Variants in DDB1 observed in about 807,000 individuals in gnomAD.
The protein encoded by DDB1 is DNA damage-binding protein 1.
DDB1 carries 18 observed loss-of-function variants against 133.1 expected under a neutral mutation model. That is an observed-to-expected ratio of 0.14 (90% CI 0.09 to 0.20). The LOEUF is 0.20. Ranked by LOEUF, DDB1 falls within the 10% of genes least tolerant of loss-of-function variation. The probability of loss-of-function intolerance (pLI) is 1.00; values close to 1 mark genes in which losing one functional copy is unlikely to be tolerated. For synonymous variants in DDB1, 580 were observed against 550.5 expected (o/e 1.05, Z -0.75); for missense variants, 828 against 1,459.2 (o/e 0.57, Z 7.05).
At chr11:61,305,176 T>C (rs1353366047) in intron 21 of DDB1, among the ~76,000 whole-genome samples, 1 of 152,144 alleles carries the variant, frequency 6.6e-6, no homozygotes, top group East Asian at 1.9e-4. Context: ...CAAAGAACCC[T>C]AGCTACACAG....
At chr11:61,300,964 TCAGGA>T (rs759375400) in intron 25 of DDB1, 32 bp from the exon 26 acceptor site, 1 of 1,613,094 alleles carries the variant, frequency 6.2e-7, no homozygotes, top group South Asian at 1.1e-5. Flanking sequence ...CACGTGCTTA[TCAGGA>T]AACACCCTCC....
intron 18 of DDB1, chr11:61,311,368 A>T (rs1197602584): frequency 5.8e-6 from 1 of 172,590 alleles, no homozygotes; most frequent in Non-Finnish European, 1.2e-5. Context: ...ACATAACATA[A>T]AACATAACAT....
chr11:61,310,262 T>C (rs746341823), intron 19 of DDB1, 33 bp downstream of exon 19: 4 of 1,592,380 alleles, frequency 2.5e-6, no homozygotes, highest in African/African-American at 1.3e-5. Context: ...AGGGAGGGCG[T>C]AGATAAAAAT....
rs774190562 is a variant in DDB1 at position 61,300,111 on chromosome 11, C to G, written c.*25G>C. 9.9e-6 allele frequency: 16 copies of G among 1,612,412 alleles called. No individual in the cohort carries two copies. The highest frequency in any genetic ancestry group is 1.4e-5 in the Non-Finnish European group (16 of 1,178,926). The stretch of plus-strand genomic sequence containing the variant: ...GCAGGGCAAAGCCTTTGGGGAGGGT[C>G]AGCAAAGGGGCCCCCTGCCCTTGGC... On this transcript the variant is annotated 3_prime_UTR_variant, in exon 27 of 27. Transcript: ENST00000301764.
chr11:61,324,056 T>G lies in DDB1; in HGVS notation c.844A>C (p.Met282Leu). The change falls in exon 7 of 27, where the codon ATG (methionine) becomes CTG (leucine). Residue 282 changes from methionine (M) to leucine (L), a missense_variant. Coordinates refer to ENST00000301764, the MANE Select transcript of DDB1 (RefSeq NM_001923.5). ...LLGDMEGRLFMLLLEKEEQMD... is the reference protein window; with the variant it reads ...LLGDMEGRLFLLLLEKEEQMD... ...TGTTCCTCCTTCTCCAAAAGCAGCA[T>G]GAAGAGCCGGCCTTCCATGTCTCCC... 1 of 1,614,188 alleles carries G rather than the reference T, an allele frequency of 6.2e-7. No homozygotes were observed.
At position 61,314,288 on chromosome 11, in the gene DDB1, A is replaced by T; in HGVS notation, c.1589+20T>A. 6.2e-7 allele frequency: 1 copy of T among 1,600,054 alleles called. No individual in the cohort carries two copies. On this transcript the variant is annotated intron_variant, in intron 13 of 26. Transcript: ENST00000301764. ...TAGAGAAAAGAGGAGGAAAGCGAGC[A>T]GACAGAAAAACACACACACCTGATC...
intron 4 of DDB1, among the ~76,000 whole-genome samples, chr11:61,328,440 AG>A (rs1475663909): frequency 6.6e-6 from 1 of 152,210 alleles, no homozygotes; most frequent in Non-Finnish European, 1.5e-5. Flanking sequence ...CCTTTGTTAA[AG>A]GGCTGAGATT....
chr11:61,326,901 G>A lies in DDB1; in HGVS notation c.550-8C>T. On this transcript the variant is annotated splice_polypyrimidine_tract_variant and splice_region_variant and intron_variant, in intron 4 of 26. Transcript: ENST00000301764. ...GTGCCGCCCCTGAGGGTCCTGGGGG[G>A]GAAAGGTAAAATGGTTAGCCCTTAG... is the stretch of plus-strand genomic sequence containing the variant. 1 of 1,608,914 alleles carries A rather than the reference G, an allele frequency of 6.2e-7. No individual in the cohort carries two copies.
chr11:61,321,174 A>G (rs1590694698), intron 10 of DDB1: 1 of 154,948 alleles, frequency 6.5e-6, no homozygotes. Context: ...GAGCCACGCC[A>G]CCTCGCCTAG....
At chr11:61,312,286 G>A (rs567431154) in intron 16 of DDB1, among the ~76,000 whole-genome samples, 1 of 152,308 alleles carries the variant, frequency 6.6e-6, no homozygotes, top group Non-Finnish European at 1.5e-5. Flanking sequence ...GTGAGCCTAG[G>A]CTGAGATTTT....
At chr11:61,325,553 G>A in intron 6 of DDB1, 58 bp downstream of exon 6, 3 of 1,401,856 alleles carry the variant, frequency 2.1e-6, no homozygotes, top group Non-Finnish European at 3.0e-6. Flanking sequence ...AAAGGGAGGA[G>A]CAAGGTGAGG....
intron 16 of DDB1, 128 bp from the exon 17 acceptor site, chr11:61,312,212 T>C: frequency 1.3e-6 from 1 of 744,886 alleles, no homozygotes; most frequent in Non-Finnish European, 2.3e-6. Context: ...AAACATCACC[T>C]GGAGAGACAG....
chr11:61,312,158 GGAA>G (rs1199023277), intron 16 of DDB1, 74 bp from the exon 17 acceptor site: 12 of 1,358,156 alleles, frequency 8.8e-6, no homozygotes, highest in Non-Finnish European at 1.3e-5. Flanking sequence ...ACTCCACAGA[GGAA>G]GAAAAACAAG....
chr11:61,303,031 C>G lies in DDB1; in HGVS notation c.2942+15G>C, dbSNP rs904482002. The G allele has an allele frequency of 1.2e-6, 2 of 1,610,824 alleles. No homozygotes were observed. The highest frequency in any genetic ancestry group is 1.7e-6 in the Non-Finnish European group (2 of 1,177,040). ...CCAGCCCTCCCCACCACTCCCAGAG[C>G]TGGCCACTACTCACCTATCCTTTTG... On this transcript the variant is annotated intron_variant, in intron 23 of 26. Transcript: ENST00000301764.
chr11:61,312,141 T>C, intron 16 of DDB1, 57 bp from the exon 17 acceptor site: 1 of 1,492,118 alleles, frequency 6.7e-7, no homozygotes, highest in Non-Finnish European at 9.4e-7. Flanking sequence ...AAAGATTCTA[T>C]GAGGCAACTC....
intron 16 of DDB1, 151 bp from the exon 17 acceptor site, chr11:61,312,235 C>T (rs921710545): frequency 2.9e-6 from 2 of 678,542 alleles, no homozygotes; most frequent in Non-Finnish European, 5.1e-6. Context: ...AATTCTGATT[C>T]CTGGTCCCAT....
At chr11:61,330,208 T>C in intron 2 of DDB1, 134 bp from the exon 3 acceptor site, 4 of 664,414 alleles carry the variant, frequency 6.0e-6, no homozygotes, top group Non-Finnish European at 1.0e-5. Flanking sequence ...CATGGTGAGC[T>C]TGTAACCCAC....
At chr11:61,328,248 T>C (rs542518741) in intron 4 of DDB1, among the ~76,000 whole-genome samples, 4 of 152,380 alleles carry the variant, frequency 2.6e-5, no homozygotes, top group African/African-American at 9.6e-5. Context: ...TTGGGTCTTA[T>C]TCCAATAGCT....
chr11:61,332,837 G>A (rs1447920259), intron 1 of DDB1, 71 bp downstream of exon 1: 2 of 1,316,528 alleles, frequency 1.5e-6, no homozygotes, highest in Admixed American at 7.5e-5. Context: ...CCCCGGGGCG[G>A]CGGGCCTCCC....
Sources: allele counts gnomAD v4.1 joint callset (sites outside exome capture counted in the v4.1 genomes callset), GRCh38; gene constraint gnomAD v4.1.1; transcripts MANE v1.5; gene names NCBI Gene and HGNC (gene_info 2026-07-23, HGNC 2026-07-21).